Variants in GABBR2 observed in about 807,000 individuals in gnomAD.
GABBR2 encodes the protein gamma-aminobutyric acid type B receptor subunit 2, also known as G-protein coupled receptor 51.
In GABBR2, 23 loss-of-function variants were observed where a neutral mutation model predicts 105.6. The observed-to-expected ratio is 0.22, with a 90% CI of 0.16 to 0.31. GABBR2 has a LOEUF of 0.31. Ranked by LOEUF, GABBR2 falls within the 10% of genes least tolerant of loss-of-function variation. GABBR2 has a pLI of 1.00. For missense variants in GABBR2, 734 were observed against 1,245.5 expected (o/e 0.59, Z 6.18); for synonymous variants, 478 against 499.7 (o/e 0.96, Z 0.58).
chr9:98,706,100 CAAAAAAAACAA>C (rs1830888945), intron 1 of GABBR2, among the ~76,000 whole-genome samples: 8 of 31,292 alleles, frequency 2.6e-4, no homozygotes, highest in African/African-American at 7.5e-4. Flanking sequence ...CAAAACAAAA[CAAAAAAAACAA>C]AAAAAAAAAA....
intron 3 of GABBR2, chr9:98,538,412 A>G (rs1828222821): frequency 6.5e-6 from 1 of 153,762 alleles, no homozygotes. Flanking sequence ...GCAGCTCTAG[A>G]TCTGATACAT....
At chr9:98,559,264 G>A (rs187029982) in intron 2 of GABBR2, among the ~76,000 whole-genome samples, 4 of 152,240 alleles carry the variant, frequency 2.6e-5, no homozygotes, top group African/African-American at 9.6e-5. Context: ...CCAGTAACTT[G>A]GACTACAGGC....
intron 13 of GABBR2, among the ~76,000 whole-genome samples, chr9:98,317,730 T>C (rs771064687): frequency 5.3e-5 from 8 of 152,226 alleles, no homozygotes; most frequent in African/African-American, 9.6e-5. Flanking sequence ...ATGCACCATG[T>C]TGGTGTGGGG....
Position 98,442,234 on chromosome 9 carries a change from G to C in GABBR2, c.1236+11747C>G, listed in dbSNP as rs2485144. On this transcript the variant is annotated intron_variant, in intron 7 of 18. Transcript: ENST00000259455. Reference sequence around the variant, plus strand: ...CAGAGCTTTCAGTGAGGCTGGCCCAGAACCAAGGGGCTGGGGCCTGGCTTC... The same window carrying C: ...CAGAGCTTTCAGTGAGGCTGGCCCACAACCAAGGGGCTGGGGCCTGGCTTC... 5.9e-3 allele frequency among the ~76,000 whole-genome samples: 904 copies of C among 152,338 alleles called. 5 individuals carry two copies. The highest frequency in any genetic ancestry group is 9.8e-3 in the Non-Finnish European group (667 of 68,018).
chr9:98,696,094 C>G (rs1830747169), intron 1 of GABBR2, among the ~76,000 whole-genome samples: 1 of 152,178 alleles, frequency 6.6e-6, no homozygotes, highest in South Asian at 2.1e-4. Flanking sequence ...TAACTTGCGG[C>G]TGTGATAAGC....
At chr9:98,392,462 T>C in intron 9 of GABBR2, among the ~76,000 whole-genome samples, 1 of 152,170 alleles carries the variant, frequency 6.6e-6, no homozygotes, top group Non-Finnish European at 1.5e-5. Context: ...TACTTGACGA[T>C]ATGTCTGGTG....
intron 6 of GABBR2, 41 bp downstream of exon 6, chr9:98,473,105 G>C (rs1321979409): frequency 5.6e-6 from 8 of 1,424,718 alleles, no homozygotes; most frequent in Non-Finnish European, 7.9e-6. Context: ...ATGATCAAAG[G>C]AGGTGGGCCA....
intron 13 of GABBR2, among the ~76,000 whole-genome samples, chr9:98,362,042 C>G (rs613308): frequency 0.4 from 60,781 of 152,038 alleles, 14,128 homozygotes; most frequent in African/African-American, 0.64. Flanking sequence ...TTGTTACACT[C>G]TACCGAAATC....
At chr9:98,308,595 A>G (rs10985815) in intron 14 of GABBR2, among the ~76,000 whole-genome samples, 61,118 of 152,036 alleles carry the variant, frequency 0.4, 13,468 homozygotes, top group East Asian at 0.58. Context: ...GTCCTTATAA[A>G]GGACACACAA....
chr9:98,676,185 A>G (rs1830475400), intron 1 of GABBR2, among the ~76,000 whole-genome samples: 1 of 152,258 alleles, frequency 6.6e-6, no homozygotes, highest in African/African-American at 2.4e-5. Flanking sequence ...AACAGAATCA[A>G]GAAGCTTGAG....
chr9:98,540,891 G>A (rs978887347), intron 3 of GABBR2, among the ~76,000 whole-genome samples: 1 of 152,246 alleles, frequency 6.6e-6, no homozygotes, highest in Admixed American at 6.5e-5. Flanking sequence ...AATATCCACT[G>A]TTAGTAAGGA....
In GABBR2 at chr9:98,306,274, G is replaced by A. The variant is rs141903124; in HGVS notation, c.2076C>T (p.Ile692=). ...TCCCCACGTTGTAGACACTCATCCC[G>A]ATGTACTTGCTGTCGTTGAGTGCGG... ...SIPALNDSKY[I]GMSVYNVGIM... Residue 692 remains isoleucine (I), a synonymous_variant, in exon 15 of 19, where the codon ATC becomes ATT. Transcript: ENST00000259455. This position sits in a 1 kb window ranked among gnomAD's most constrained non-coding sequence, Gnocchi z 5.4. The A allele has an allele frequency of 1.8e-5, 29 of 1,613,960 alleles. No individual in the cohort carries two copies. In the Admixed American group the frequency reaches 2.0e-4, roughly 11 times the overall value.
intron 1 of GABBR2, among the ~76,000 whole-genome samples, chr9:98,625,144 C>T (rs1471662227): frequency 6.6e-6 from 1 of 152,226 alleles, no homozygotes; most frequent in South Asian, 2.1e-4. Flanking sequence ...CAGCAGAGGG[C>T]CCCACAAAGG....
intron 12 of GABBR2, among the ~76,000 whole-genome samples, chr9:98,367,108 T>C (rs1356660572): frequency 6.6e-6 from 1 of 151,856 alleles, no homozygotes; most frequent in Non-Finnish European, 1.5e-5. Flanking sequence ...TTTGCTTTAA[T>C]GCTTTCAAAA....
At chr9:98,576,153 C>G (rs958285265) in intron 2 of GABBR2, among the ~76,000 whole-genome samples, 2 of 152,198 alleles carry the variant, frequency 1.3e-5, no homozygotes, top group African/African-American at 4.8e-5. Flanking sequence ...GCATGCAGCA[C>G]CAGACACAGA....
intron 6 of GABBR2, among the ~76,000 whole-genome samples, chr9:98,455,228 G>A (rs1211683941): frequency 6.6e-6 from 1 of 152,090 alleles, no homozygotes; most frequent in African/African-American, 2.4e-5. Flanking sequence ...TTTGATTGTG[G>A]CCACAAAGTA....
intron 13 of GABBR2, among the ~76,000 whole-genome samples, chr9:98,339,155 T>C (rs1185184007): frequency 6.6e-6 from 1 of 151,138 alleles, no homozygotes; most frequent in African/African-American, 2.4e-5. Context: ...TAAAAGAAGG[T>C]TTCTTTTTGG....
At chr9:98,587,880 C>T (rs1829098660) in intron 1 of GABBR2, among the ~76,000 whole-genome samples, 3 of 152,048 alleles carry the variant, frequency 2.0e-5, no homozygotes. Flanking sequence ...CTGTTATATG[C>T]AAATAAATAA....
chr9:98,599,666 C>T (rs573358862), intron 1 of GABBR2, among the ~76,000 whole-genome samples: 16 of 152,338 alleles, frequency 1.1e-4, no homozygotes, highest in Middle Eastern at 3.4e-3. Flanking sequence ...GTGGTGCTGA[C>T]GGGCTCTGAG....
Sources: gnomAD v4.1 joint callset for allele counts (sites outside exome capture counted in the v4.1 genomes callset) on GRCh38, gnomAD v4.1.1 for gene constraint, Gnocchi (gnomAD v3.1) non-coding constraint, MANE v1.5 for transcripts, NCBI Gene and HGNC (gene_info 2026-07-23, HGNC 2026-07-21) for gene names.